Variants in LDB2 observed in about 807,000 individuals in gnomAD.
LDB2 encodes LIM domain-binding protein 2.
Under a neutral mutation model 44.3 loss-of-function variants are expected in LDB2, and 12 were observed. The ratio of observed to expected loss-of-function variants is 0.27; its 90% CI spans 0.17 to 0.44. LDB2 has a LOEUF of 0.44. LDB2 is among the 20% of genes least tolerant of loss of function. The pLI is 1.00. For missense variants in LDB2, 344 were observed against 473.5 expected (o/e 0.73, Z 2.54); for synonymous variants, 164 against 174.8 (o/e 0.94, Z 0.49).
At chr4:16,853,034 A>G (rs1231913861) in intron 1 of LDB2, among the ~76,000 whole-genome samples, 1 of 152,210 alleles carries the variant, frequency 6.6e-6, no homozygotes, top group East Asian at 1.9e-4. Context: ...CTTCCAGAAA[A>G]TACCATCACG....
chr4:16,845,128 G>A (rs1426626625), intron 1 of LDB2, among the ~76,000 whole-genome samples: 3 of 152,214 alleles, frequency 2.0e-5, no homozygotes, highest in Non-Finnish European at 4.4e-5. Context: ...AAAGCTAGCA[G>A]GTGGAGGCTG....
chr4:16,663,911 C>G (rs1431928763), intron 2 of LDB2, among the ~76,000 whole-genome samples: 3 of 152,176 alleles, frequency 2.0e-5, no homozygotes, highest in Non-Finnish European at 4.4e-5. Context: ...AGCTATCACC[C>G]TGGAAAAGAC....
chr4:16,832,402 A>G (rs1313324269), intron 1 of LDB2, among the ~76,000 whole-genome samples: 1 of 152,226 alleles, frequency 6.6e-6, no homozygotes, highest in Non-Finnish European at 1.5e-5. Context: ...AATTATAGAG[A>G]AAGAAAAATA....
chr4:16,704,353 A>G (rs933731518), intron 2 of LDB2, among the ~76,000 whole-genome samples: 3 of 152,220 alleles, frequency 2.0e-5, no homozygotes, highest in Non-Finnish European at 4.4e-5. Flanking sequence ...AGATAGCTAT[A>G]TTATTGTTAC....
In LDB2 at chr4:16,866,857, A is replaced by G. The variant is rs546824884; in HGVS notation, c.132+31497T>C. ...CAGAGTATGGCAAATTGTATTTTCC[A>G]AACATGGCCACATTAATACACATAA... is the stretch of plus-strand genomic sequence containing the variant. On this transcript the variant is annotated intron_variant, in intron 1 of 7. Coordinates refer to ENST00000304523, the MANE Select transcript of LDB2 (RefSeq NM_001290.5). 6.2e-4 allele frequency among the ~76,000 whole-genome samples: 94 copies of G among 152,322 alleles called. 1 individual carries two copies. The highest frequency in any genetic ancestry group is 2.1e-3 in the African/African-American group (89 of 41,572).
At chr4:16,623,787 C>CAT (rs1491494929) in intron 2 of LDB2, among the ~76,000 whole-genome samples, 1 of 143,526 alleles carries the variant, frequency 7.0e-6, no homozygotes, top group Non-Finnish European at 1.5e-5. Flanking sequence ...CACACACACA[C>CAT]GTTTTATTTA....
At chr4:16,805,658 G>A (rs2109795532) in intron 1 of LDB2, among the ~76,000 whole-genome samples, 1 of 152,310 alleles carries the variant, frequency 6.6e-6, no homozygotes, top group East Asian at 1.9e-4. Flanking sequence ...TGATTCAAGA[G>A]GCAATTGGGA....
intron 1 of LDB2, among the ~76,000 whole-genome samples, chr4:16,841,802 AT>A: frequency 6.6e-6 from 1 of 152,390 alleles, no homozygotes; most frequent in African/African-American, 2.4e-5. Flanking sequence ...CCAGGAGGTC[AT>A]AGGGTCCAAC....
intron 1 of LDB2, among the ~76,000 whole-genome samples, chr4:16,848,522 A>G (rs940332338): frequency 6.6e-6 from 1 of 152,236 alleles, no homozygotes; most frequent in African/African-American, 2.4e-5. Context: ...ATGTGGAAGA[A>G]TATTTGGCCT....
chr4:16,776,120 G>T (rs1561193155), intron 1 of LDB2, among the ~76,000 whole-genome samples: 1 of 152,166 alleles, frequency 6.6e-6, no homozygotes, highest in African/African-American at 2.4e-5. Flanking sequence ...CAGGAAACTG[G>T]GTTCTGATTC....
chr4:16,873,641 G>T (rs929539582), intron 1 of LDB2, among the ~76,000 whole-genome samples: 5 of 151,952 alleles, frequency 3.3e-5, no homozygotes, highest in African/African-American at 1.2e-4. Context: ...TCTTAATATT[G>T]TTTTTATATT....
chr4:16,526,442 T>G (rs1308820011), intron 5 of LDB2, among the ~76,000 whole-genome samples: 2 of 152,192 alleles, frequency 1.3e-5, no homozygotes, highest in African/African-American at 4.8e-5. Flanking sequence ...TGAGTCACAT[T>G]ACCAGCTTCC....
rs1004780309 is a variant in LDB2 at position 16,582,784 on chromosome 4, G to A, written c.615+3138C>T. 1.3e-5 allele frequency among the ~76,000 whole-genome samples: 2 copies of A among 152,130 alleles called. No individual in the cohort carries two copies. The highest frequency in any genetic ancestry group is 3.9e-4 in the East Asian group (2 of 5,128). The stretch of plus-strand genomic sequence containing the variant: ...ACTGTGACAGGGCGCCATCTCTGCA[G>A]GCTCAGCGGCTTCCAGCCACAGCTC... On this transcript the variant is annotated intron_variant, in intron 5 of 7. Coordinates refer to ENST00000304523, the MANE Select transcript of LDB2 (RefSeq NM_001290.5). The surrounding 1 kb of genome is among the most constrained non-coding windows in gnomAD (Gnocchi z 4.8).
At chr4:16,845,431 T>C (rs1190516818) in intron 1 of LDB2, among the ~76,000 whole-genome samples, 1 of 152,202 alleles carries the variant, frequency 6.6e-6, no homozygotes, top group Non-Finnish European at 1.5e-5. Context: ...CAGATGGCAA[T>C]AGGCAAAGCT....
intron 5 of LDB2, among the ~76,000 whole-genome samples, chr4:16,536,954 C>T (rs530290803): frequency 2.0e-5 from 3 of 152,282 alleles, no homozygotes; most frequent in African/African-American, 7.2e-5. Flanking sequence ...TGGGCCCACT[C>T]CAGTGCTGGT....
chr4:16,591,548 A>G (rs1199515913), intron 3 of LDB2, among the ~76,000 whole-genome samples: 1 of 152,214 alleles, frequency 6.6e-6, no homozygotes, highest in Non-Finnish European at 1.5e-5. Flanking sequence ...ACTTATTTGA[A>G]TGAAAGGACA....
chr4:16,502,594 T>C lies in LDB2; in HGVS notation c.*49A>G. ...TCCTGTAAGTAAAGATTTGCAATTGTAATGATCACCCACGGGCCTATTGAC... is the reference window on the plus strand; with the variant it reads ...TCCTGTAAGTAAAGATTTGCAATTGCAATGATCACCCACGGGCCTATTGAC... On this transcript the variant is annotated 3_prime_UTR_variant, in exon 8 of 8. Transcript: ENST00000304523. The C allele has an allele frequency of 6.3e-7, 1 of 1,597,490 alleles. No homozygotes were observed. The highest frequency in any genetic ancestry group is 8.6e-7 in the Non-Finnish European group (1 of 1,166,156).
intron 1 of LDB2, among the ~76,000 whole-genome samples, chr4:16,833,544 CTTTTTT>C (rs34692758): frequency 7.7e-6 from 1 of 129,852 alleles, no homozygotes. Flanking sequence ...ATCTTTTCCT[CTTTTTT>C]TTTTTTTTTT....
chr4:16,775,906 T>A (rs1319613927), intron 1 of LDB2, among the ~76,000 whole-genome samples: 1 of 152,166 alleles, frequency 6.6e-6, no homozygotes, highest in Non-Finnish European at 1.5e-5. Context: ...CAACCTCAAA[T>A]CCACAGTTGC....
Sources: gnomAD v4.1 joint callset for allele counts (sites outside exome capture counted in the v4.1 genomes callset) on GRCh38, gnomAD v4.1.1 for gene constraint, Gnocchi (gnomAD v3.1) non-coding constraint, MANE v1.5 for transcripts, NCBI Gene and HGNC (gene_info 2026-07-23, HGNC 2026-07-21) for gene names.